Variants in VWA8 observed in about 807,000 individuals in gnomAD.
The protein encoded by VWA8 is von Willebrand factor A domain containing 8.
VWA8 carries 221 observed loss-of-function variants against 241.5 expected under a neutral mutation model. The observed-to-expected ratio is 0.91, with a 90% CI of 0.82 to 1.02. The LOEUF is 1.02. VWA8 is among the 50% of genes least tolerant of loss of function. The probability of loss-of-function intolerance (pLI) is 0.00; values close to 1 mark genes in which losing one functional copy is unlikely to be tolerated. For missense variants in VWA8, 2,322 were observed against 2,328.7 expected, an observed-to-expected ratio of 1.00 and a Z score of 0.06; for synonymous variants, 852 against 827.1, an observed-to-expected ratio of 1.03 and a Z score of -0.52.
At chr13:41,693,166 CTTAAT>C (rs988612371) in intron 29 of VWA8, among the ~76,000 whole-genome samples, 194 bp from the exon 30 acceptor site, 7 of 151,834 alleles carry the variant, frequency 4.6e-5, no homozygotes, top group Non-Finnish European at 8.8e-5. Context: ...TTAAGTGCTT[CTTAAT>C]TTAAGAATTT....
At chr13:41,909,128 C>T (rs1439470875) in intron 3 of VWA8, among the ~76,000 whole-genome samples, 3 of 151,600 alleles carry the variant, frequency 2.0e-5, no homozygotes, top group Non-Finnish European at 4.4e-5. Context: ...TCTCAGCTCA[C>T]TGCAACCTCT....
intron 21 of VWA8, among the ~76,000 whole-genome samples, chr13:41,741,321 C>T (rs1034061888): frequency 3.3e-5 from 5 of 152,180 alleles, no homozygotes; most frequent in Admixed American, 6.5e-5. Flanking sequence ...TTATAAATTC[C>T]TTACACACCG....
chr13:41,662,469 T>C (rs1474227232), intron 37 of VWA8, among the ~76,000 whole-genome samples: 1 of 151,806 alleles, frequency 6.6e-6, no homozygotes, highest in Non-Finnish European at 1.5e-5. Flanking sequence ...TATAGAAATA[T>C]AATTGATTTT....
intron 34 of VWA8, 102 bp from the exon 35 acceptor site, chr13:41,685,344 G>A (rs1245324686): frequency 1.8e-6 from 2 of 1,089,260 alleles, no homozygotes; most frequent in Non-Finnish European, 2.6e-6. Context: ...GGAAACTAAT[G>A]TTTCACAGGT....
At chr13:41,733,117 A>G (rs9590636) in intron 21 of VWA8, among the ~76,000 whole-genome samples, 42,399 of 152,166 alleles carry the variant, frequency 0.28, 6,383 homozygotes, top group Non-Finnish European at 0.33. Flanking sequence ...ACTACTGGAC[A>G]GTGATATTCA....
At chr13:41,705,887 A>C (rs1206678410) in intron 26 of VWA8, among the ~76,000 whole-genome samples, 1 of 152,196 alleles carries the variant, frequency 6.6e-6, no homozygotes, top group African/African-American at 2.4e-5. Context: ...TACCAACAGA[A>C]CAGATCCCCT....
At chr13:41,823,141 C>T (rs1035216807) in intron 14 of VWA8, among the ~76,000 whole-genome samples, 6 of 151,974 alleles carry the variant, frequency 3.9e-5, no homozygotes, top group African/African-American at 1.5e-4. Context: ...TTTATATGGT[C>T]TGATTTGCTT....
chr13:41,872,778 T>A (rs1417718859), intron 9 of VWA8, among the ~76,000 whole-genome samples: 1 of 152,204 alleles, frequency 6.6e-6, no homozygotes, highest in African/African-American at 2.4e-5. Context: ...TAGGATTGAC[T>A]TGGCAATGTG....
intron 36 of VWA8, among the ~76,000 whole-genome samples, chr13:41,674,980 C>T (rs1826146397): frequency 6.6e-6 from 1 of 152,028 alleles, no homozygotes; most frequent in Non-Finnish European, 1.5e-5. Flanking sequence ...AGAACAAAGA[C>T]TTGCAGGCTG....
intron 37 of VWA8, among the ~76,000 whole-genome samples, chr13:41,647,421 A>G (rs1290063557): frequency 6.6e-6 from 1 of 152,250 alleles, no homozygotes; most frequent in Non-Finnish European, 1.5e-5. Flanking sequence ...ATTTTCTTAA[A>G]TACATTAGAA....
intron 19 of VWA8, among the ~76,000 whole-genome samples, chr13:41,778,502 T>C (rs1025408442): frequency 2.6e-5 from 4 of 152,168 alleles, no homozygotes; most frequent in South Asian, 2.1e-4. Context: ...ATTAAAAATA[T>C]ATTATTTACC....
chr13:41,680,245 T>A (rs560119333), intron 35 of VWA8, among the ~76,000 whole-genome samples: 174 of 152,284 alleles, frequency 1.1e-3, no homozygotes, highest in Non-Finnish European at 2.0e-3. Flanking sequence ...ATTCCCAAGG[T>A]TCCCTAATTG....
At chr13:41,949,031 T>TAAAAAAAAAAAAAAAAAAAAA (rs35506856) in intron 2 of VWA8, among the ~76,000 whole-genome samples, 1 of 63,390 alleles carries the variant, frequency 1.6e-5, no homozygotes, top group Non-Finnish European at 2.9e-5. Context: ...TCTACCATCA[T>TAAAAAAAAAAAAAAAAAAAAA]AAAAAAAAAA....
intron 42 of VWA8, among the ~76,000 whole-genome samples, chr13:41,581,406 A>G (rs1033783749): frequency 3.3e-5 from 5 of 152,198 alleles, no homozygotes; most frequent in Non-Finnish European, 7.3e-5. Flanking sequence ...AATCCCTAAC[A>G]CAATGGCTTT....
intron 9 of VWA8, among the ~76,000 whole-genome samples, chr13:41,882,696 C>G (rs182408209): frequency 6.6e-6 from 1 of 151,972 alleles, no homozygotes; most frequent in Admixed American, 6.6e-5. Flanking sequence ...CGCAGGCACT[C>G]GGCAGGCTGA....
chr13:41,904,595 A>G (rs981866021), intron 4 of VWA8, among the ~76,000 whole-genome samples: 2 of 152,212 alleles, frequency 1.3e-5, no homozygotes, highest in Admixed American at 6.5e-5. Flanking sequence ...TCATGGGAAC[A>G]GAAATGTAAG....
intron 12 of VWA8, among the ~76,000 whole-genome samples, chr13:41,857,058 T>G (rs1872782982): frequency 6.6e-6 from 1 of 152,150 alleles, no homozygotes. Context: ...GTAGACATTA[T>G]CAACTAGACA....
intron 17 of VWA8, among the ~76,000 whole-genome samples, chr13:41,789,281 C>T (rs182983690): frequency 7.9e-5 from 12 of 152,206 alleles, no homozygotes; most frequent in African/African-American, 2.9e-4. Context: ...TCCCTCTCCT[C>T]CCTTGGCCTT....
intron 12 of VWA8, among the ~76,000 whole-genome samples, chr13:41,840,304 G>A (rs1034412157): frequency 2.0e-5 from 3 of 152,090 alleles, no homozygotes; most frequent in Admixed American, 6.5e-5. Context: ...ACACACTGGG[G>A]CCTGTCTGGG....
Sources: gnomAD v4.1 joint callset for allele counts (sites outside exome capture counted in the v4.1 genomes callset) on GRCh38, gnomAD v4.1.1 for gene constraint, MANE v1.5 for transcripts, NCBI Gene and HGNC (gene_info 2026-07-23, HGNC 2026-07-21) for gene names.